The following GNAQ variants were observed in gnomAD, a reference collection of about 807,000 sequenced individuals.
GNAQ encodes the protein guanine nucleotide-binding protein G(q) subunit alpha.
A neutral mutation model predicts 43.9 loss-of-function variants in GNAQ; 8 were observed. The ratio of observed to expected loss-of-function variants is 0.18; its 90% CI spans 0.11 to 0.33. The LOEUF (loss-of-function observed/expected upper bound fraction) is 0.33, where lower values mean the gene tolerates loss of function less well. GNAQ is among the 10% of genes least tolerant of loss of function. The pLI is 1.00. For missense variants in GNAQ, 158 were observed against 450.8 expected (o/e 0.35, Z 5.88); for synonymous variants, 155 against 170.7 (o/e 0.91, Z 0.71).
chr9:77,992,584 T>C (rs1411666798), intron 1 of GNAQ, among the ~76,000 whole-genome samples: 1 of 152,108 alleles, frequency 6.6e-6, no homozygotes, highest in African/African-American at 2.4e-5. Flanking sequence ...AAGTAACCTC[T>C]ATAAAAGGTA....
chr9:78,008,604 CATTTCATTTCATTTCATTTT>C (rs1441985266), intron 1 of GNAQ, among the ~76,000 whole-genome samples: 2 of 140,220 alleles, frequency 1.4e-5, no homozygotes, highest in African/African-American at 2.9e-5. Context: ...CATTTCATTT[CATTTCATTTCATTTCATTTT>C]ATTTTATTTT....
chr9:77,733,623 A>C (rs758612217), intron 5 of GNAQ, among the ~76,000 whole-genome samples: 12 of 152,174 alleles, frequency 7.9e-5, no homozygotes, highest in Non-Finnish European at 1.3e-4. Context: ...TCCCCAGCAC[A>C]GGATGTCCTA....
At chr9:77,784,686 T>G (rs1244055053) in intron 5 of GNAQ, among the ~76,000 whole-genome samples, 1 of 152,196 alleles carries the variant, frequency 6.6e-6, no homozygotes, top group Admixed American at 6.5e-5. Context: ...AGGCAAGTCA[T>G]GAAGCAGCAG....
chr9:77,920,022 C>A (rs1228969960), intron 2 of GNAQ, among the ~76,000 whole-genome samples: 1 of 151,980 alleles, frequency 6.6e-6, no homozygotes, highest in Non-Finnish European at 1.5e-5. Context: ...GCCTGTAGTC[C>A]CAGCTACTTG....
At chr9:77,761,100 T>A (rs564616007) in intron 5 of GNAQ, among the ~76,000 whole-genome samples, 31 of 146,084 alleles carry the variant, frequency 2.1e-4, no homozygotes, top group Admixed American at 7.4e-4. Context: ...GCAGCCGCCC[T>A]GTCCAGGAGG....
intron 2 of GNAQ, among the ~76,000 whole-genome samples, chr9:77,845,823 C>A (rs1236906934): frequency 6.6e-6 from 1 of 152,144 alleles, no homozygotes; most frequent in Non-Finnish European, 1.5e-5. Context: ...AGCATAGGGA[C>A]CCTGAGGGCA....
intron 2 of GNAQ, among the ~76,000 whole-genome samples, chr9:77,860,944 T>C (rs1387284552): frequency 1.3e-5 from 2 of 152,246 alleles, no homozygotes; most frequent in African/African-American, 2.4e-5. Context: ...AACATATTAC[T>C]GTCTAAAGTC....
intron 2 of GNAQ, among the ~76,000 whole-genome samples, chr9:77,829,322 C>G (rs1222741515): frequency 1.3e-5 from 2 of 152,142 alleles, no homozygotes; most frequent in African/African-American, 4.8e-5. Flanking sequence ...TATTGTTCTT[C>G]TTCACATCCT....
chr9:77,901,318 A>G (rs148690451), intron 2 of GNAQ, among the ~76,000 whole-genome samples: 1 of 152,212 alleles, frequency 6.6e-6, no homozygotes, highest in East Asian at 1.9e-4. Context: ...TTACAATACA[A>G]TTCCCCTACA....
intron 1 of GNAQ, among the ~76,000 whole-genome samples, chr9:77,990,386 A>C (rs888787218): frequency 1.3e-5 from 2 of 152,098 alleles, no homozygotes; most frequent in African/African-American, 4.8e-5. Context: ...TGGCCCATTA[A>C]TTTTTAAAAA....
At chr9:77,777,015 G>C (rs1293430471) in intron 5 of GNAQ, among the ~76,000 whole-genome samples, 1 of 151,972 alleles carries the variant, frequency 6.6e-6, no homozygotes, top group Non-Finnish European at 1.5e-5. Context: ...AGACAGTGTG[G>C]TATTGACTTA....
chr9:77,836,593 C>T (rs1343697029), intron 2 of GNAQ, among the ~76,000 whole-genome samples: 1 of 152,082 alleles, frequency 6.6e-6, no homozygotes, highest in Admixed American at 6.6e-5. Context: ...CAAGTAAGGA[C>T]GGAACTCAGC....
intron 1 of GNAQ, among the ~76,000 whole-genome samples, chr9:78,012,532 A>G (rs1471263637): frequency 6.6e-6 from 1 of 152,132 alleles, no homozygotes; most frequent in Non-Finnish European, 1.5e-5. Flanking sequence ...CAAATACCCA[A>G]GAATTCAGGA....
At chr9:77,728,395 A>G (rs1178091492) in intron 6 of GNAQ, 119 bp downstream of exon 6, 2 of 728,560 alleles carry the variant, frequency 2.7e-6, no homozygotes, top group Non-Finnish European at 4.9e-6. Flanking sequence ...CAGTTTCAAC[A>G]CGCAGGCTGC....
intron 5 of GNAQ, among the ~76,000 whole-genome samples, chr9:77,746,844 A>G (rs966763501): frequency 2.6e-5 from 4 of 152,192 alleles, no homozygotes; most frequent in African/African-American, 9.7e-5. Context: ...CACGAAGACA[A>G]TAACAGAAAC....
At chr9:78,006,451 C>A (rs1427087959) in intron 1 of GNAQ, among the ~76,000 whole-genome samples, 1 of 152,118 alleles carries the variant, frequency 6.6e-6, no homozygotes, top group Non-Finnish European at 1.5e-5. Context: ...CTCTATCAGG[C>A]AATAAGAAGT....
intron 1 of GNAQ, among the ~76,000 whole-genome samples, chr9:77,926,551 G>A (rs1829075641): frequency 6.6e-6 from 1 of 152,094 alleles, no homozygotes; most frequent in South Asian, 2.1e-4. Context: ...AAGACCACTG[G>A]TACTATAAAA....
At chr9:77,846,876 T>TA (rs1827594153) in intron 2 of GNAQ, among the ~76,000 whole-genome samples, 1 of 152,144 alleles carries the variant, frequency 6.6e-6, no homozygotes, top group Non-Finnish European at 1.5e-5. Flanking sequence ...TTATCTCACA[T>TA]TACAGATGAG....
intron 5 of GNAQ, among the ~76,000 whole-genome samples, chr9:77,764,335 A>G (rs1826099247): frequency 6.6e-6 from 1 of 152,148 alleles, no homozygotes; most frequent in African/African-American, 2.4e-5. Flanking sequence ...TGTTTTCCTA[A>G]TCTGTAATCC....
Sources: gnomAD v4.1 joint callset for allele counts (sites outside exome capture counted in the v4.1 genomes callset) on GRCh38, gnomAD v4.1.1 for gene constraint, MANE v1.5 for transcripts, NCBI Gene and HGNC (gene_info 2026-07-23, HGNC 2026-07-21) for gene names.